PDE8A: variants seen among roughly 807,000 people sequenced by gnomAD.
The protein encoded by PDE8A is phosphodiesterase 8A.
PDE8A carries 59 observed loss-of-function variants against 105.0 expected under a neutral mutation model. That is an observed-to-expected ratio of 0.56 (90% CI 0.46 to 0.70). The LOEUF is 0.70. Ranked by LOEUF, PDE8A falls within the 30% of genes least tolerant of loss-of-function variation. The pLI is 0.00. For missense variants in PDE8A, 1,014 were observed against 1,045.9 expected, an observed-to-expected ratio of 0.97 and a Z score of 0.42; for synonymous variants, 355 against 371.9, an observed-to-expected ratio of 0.95 and a Z score of 0.52.
At chr15:85,051,290 G>A (rs964227977) in intron 1 of PDE8A, among the ~76,000 whole-genome samples, 2 of 151,918 alleles carry the variant, frequency 1.3e-5, no homozygotes, top group South Asian at 4.1e-4. Context: ...TTTCTATTTC[G>A]ACTGTCTTTT....
intron 7 of PDE8A, 96 bp downstream of exon 7, chr15:85,089,512 T>C (rs2081607591): frequency 1.6e-6 from 1 of 642,836 alleles, no homozygotes; most frequent in Non-Finnish European, 2.7e-6. Flanking sequence ...TTTTTTTCTT[T>C]TTGAAGTTTA....
intron 1 of PDE8A, among the ~76,000 whole-genome samples, chr15:85,059,528 A>G (rs1046505234): frequency 6.6e-6 from 1 of 152,192 alleles, no homozygotes; most frequent in African/African-American, 2.4e-5. Flanking sequence ...ATAATTGCTT[A>G]TAATTGTTAC....
intron 20 of PDE8A, among the ~76,000 whole-genome samples, chr15:85,134,535 C>G (rs1465245418): frequency 1.9e-5 from 1 of 52,032 alleles, no homozygotes; most frequent in Non-Finnish European, 3.2e-5. Context: ...GCTGGGCCAG[C>G]GTTCCCCACT....
intron 1 of PDE8A, among the ~76,000 whole-genome samples, chr15:85,001,151 C>T (rs1169381825): frequency 5.9e-5 from 9 of 152,134 alleles, no homozygotes; most frequent in Admixed American, 6.5e-5. Flanking sequence ...CTGAATGCCT[C>T]GAGTACTCAC....
At chr15:85,040,578 T>TG (rs1256825479) in intron 1 of PDE8A, among the ~76,000 whole-genome samples, 10 of 149,818 alleles carry the variant, frequency 6.7e-5, no homozygotes, top group African/African-American at 2.5e-4. Context: ...TTTTTTTTTT[T>TG]GAGACGGAGT....
chr15:84,983,583 TCTC>T (rs1255341645), intron 1 of PDE8A, among the ~76,000 whole-genome samples: 4 of 152,224 alleles, frequency 2.6e-5, no homozygotes, highest in African/African-American at 9.6e-5. Flanking sequence ...TTGAATTCCT[TCTC>T]CTATAGATTC....
intron 1 of PDE8A, among the ~76,000 whole-genome samples, chr15:85,017,901 C>CAAAAAAAAAAAAAAAAAA (rs1471033329): frequency 4.5e-5 from 2 of 44,762 alleles, no homozygotes; most frequent in African/African-American, 9.2e-5. Context: ...AAAAAAAAAG[C>CAAAAAAAAAAAAAAAAAA]AATAGTGGGA....
intron 9 of PDE8A, among the ~76,000 whole-genome samples, chr15:85,098,709 C>T (rs927267880): frequency 6.6e-6 from 1 of 152,106 alleles, no homozygotes; most frequent in Admixed American, 6.5e-5. Context: ...CCTGTAATCC[C>T]AGCACTTTGG....
chr15:85,006,107 C>G (rs918043271), intron 1 of PDE8A, among the ~76,000 whole-genome samples: 10 of 151,918 alleles, frequency 6.6e-5, no homozygotes, highest in Non-Finnish European at 1.5e-4. Flanking sequence ...ACATCACACT[C>G]TGGGGACTGT....
intron 1 of PDE8A, among the ~76,000 whole-genome samples, chr15:85,002,454 G>A (rs1255942164): frequency 6.6e-6 from 1 of 152,220 alleles, no homozygotes; most frequent in Non-Finnish European, 1.5e-5. Flanking sequence ...AGAGTTGGGT[G>A]CGCCACCCTC....
chr15:85,087,011 G>A (rs371868752), intron 6 of PDE8A, among the ~76,000 whole-genome samples: 3 of 149,370 alleles, frequency 2.0e-5, no homozygotes, highest in African/African-American at 7.4e-5. Context: ...AGGATTACAG[G>A]TGTGAGCCAC....
At chr15:85,069,679 G>A (rs2081283437) in intron 3 of PDE8A, among the ~76,000 whole-genome samples, 1 of 152,176 alleles carries the variant, frequency 6.6e-6, no homozygotes, top group South Asian at 2.1e-4. Context: ...AGGGGAACCA[G>A]TGACAAGTAA....
intron 1 of PDE8A, among the ~76,000 whole-genome samples, chr15:85,056,212 C>T (rs2081057216): frequency 1.3e-5 from 2 of 152,252 alleles, no homozygotes; most frequent in South Asian, 4.1e-4. Context: ...TTGTGGGTAA[C>T]CCGACCTTTC....
At chr15:85,134,988 AG>A (rs1567309105) in intron 20 of PDE8A, among the ~76,000 whole-genome samples, 1 of 152,200 alleles carries the variant, frequency 6.6e-6, no homozygotes, top group East Asian at 1.9e-4. Context: ...CTGGTGCCGT[AG>A]AGCTGCGGTG....
At chr15:85,121,067 G>T in intron 18 of PDE8A, 53 bp downstream of exon 18, 1 of 1,090,128 alleles carries the variant, frequency 9.2e-7, no homozygotes, top group South Asian at 1.4e-5. Flanking sequence ...TTTTTAAACA[G>T]CTATATTGAG....
upstream of PDE8A, among the ~76,000 whole-genome samples, chr15:84,980,997 C>A (rs574993342): frequency 6.6e-6 from 1 of 152,314 alleles, no homozygotes; most frequent in South Asian, 2.1e-4. Flanking sequence ...CGGGACCCGG[C>A]GCGCGGCGCC....
At chr15:85,085,725 C>T (rs141312607) in intron 6 of PDE8A, among the ~76,000 whole-genome samples, 18 of 145,786 alleles carry the variant, frequency 1.2e-4, no homozygotes, top group South Asian at 2.2e-4. Context: ...AGTAGATGAT[C>T]GGCTGGGCAG....
chr15:85,114,054 A>G lies in PDE8A; in HGVS notation c.1350+17A>G, dbSNP rs1162844912. On this transcript the variant is annotated intron_variant, in intron 14 of 21. Coordinates refer to ENST00000394553, the MANE Select transcript of PDE8A (RefSeq NM_002605.3). ...TTAATGTCTGTAAGTATATTTGACTAGACTCTTGGCTAGAGCCTGTCTGTT... is the reference window on the plus strand; with the variant it reads ...TTAATGTCTGTAAGTATATTTGACTGGACTCTTGGCTAGAGCCTGTCTGTT... The G allele has an allele frequency of 6.2e-7, 1 of 1,606,414 alleles. No individual in the cohort carries two copies. Among genetic ancestry groups the G allele is most frequent in the African/African-American group, 1.3e-5 (1 of 74,890 alleles).
At position 85,137,983 on chromosome 15, in the gene PDE8A, C is replaced by G. The variant is rs2082439791; in HGVS notation, c.*80C>G. 3.5e-6 allele frequency: 3 copies of G among 846,562 alleles called. No individual in the cohort carries two copies. The highest frequency in any genetic ancestry group is 6.0e-6 in the Non-Finnish European group (3 of 503,124). 52.4% of individuals were successfully genotyped at this position (846,562 alleles called of 1,614,324 possible). A position where few individuals can be genotyped will look rare whatever the true frequency, so the allele number is the denominator to read the frequency against. On this transcript the variant is annotated 3_prime_UTR_variant, in exon 22 of 22. Transcript: ENST00000394553. ...CTGAGGGCAGCCAGAGCTCCTTGGT[C>G]CTTTCAGTACTAGGCAGAACAGCCC...
Sources: allele counts gnomAD v4.1 joint callset (sites outside exome capture counted in the v4.1 genomes callset), GRCh38; gene constraint gnomAD v4.1.1; transcripts MANE v1.5; gene names NCBI Gene and HGNC (gene_info 2026-07-23, HGNC 2026-07-21).